Variants in FHIT observed in about 807,000 individuals in gnomAD.
FHIT encodes the protein fragile histidine triad diadenosine triphosphatase.
Under a neutral mutation model 17.9 loss-of-function variants are expected in FHIT, and 19 were observed. That is an observed-to-expected ratio of 1.06 (90% confidence interval 0.74 to 1.56). FHIT has a LOEUF of 1.56. Ranked by LOEUF, FHIT falls within the 40% of genes most tolerant of loss-of-function variation. The pLI, the probability that FHIT is intolerant of heterozygous loss-of-function variation, is 0.00. For synonymous variants in FHIT, 81 were observed against 69.7 expected, an observed-to-expected ratio of 1.16 and a Z score of -0.81; for missense variants, 248 against 189.2, an observed-to-expected ratio of 1.31 and a Z score of -1.82.
rs866413645 is a variant in FHIT, at chr3:59,906,181, C to G, written c.348+16165G>C. 3.9e-5 allele frequency among the ~76,000 whole-genome samples: 6 copies of G among 152,300 alleles called. No individual in the cohort carries two copies. The South Asian group carries it at 1.2e-3, about 32-fold the overall frequency. ...CTGGACAGTACAATGCTCTTGAATA[C>G]AGAGAGCTGGAGCTTGAATGGACAC... On this transcript the variant is annotated intron_variant, in intron 8 of 9. Transcript: ENST00000492590.
intron 5 of FHIT, among the ~76,000 whole-genome samples, chr3:60,096,427 G>A (rs1264540858): frequency 6.6e-6 from 1 of 152,216 alleles, no homozygotes; most frequent in South Asian, 2.1e-4. Flanking sequence ...TATTCAGAAA[G>A]AATCAACCAA....
At chr3:60,549,802 A>G (rs1017928214) in intron 4 of FHIT, among the ~76,000 whole-genome samples, 4 of 152,224 alleles carry the variant, frequency 2.6e-5, no homozygotes, top group African/African-American at 4.8e-5. Context: ...CTCTTCGTTA[A>G]AAGAATAAAA....
intron 5 of FHIT, among the ~76,000 whole-genome samples, chr3:60,094,715 AG>A (rs967488971): frequency 7.2e-5 from 11 of 151,992 alleles, no homozygotes; most frequent in African/African-American, 2.4e-4. Flanking sequence ...CATGTCACCC[AG>A]CAAACAGAGT....
intron 5 of FHIT, among the ~76,000 whole-genome samples, chr3:60,297,816 T>C (rs916409355): frequency 5.3e-5 from 8 of 152,086 alleles, no homozygotes; most frequent in African/African-American, 1.9e-4. Flanking sequence ...ACACATTATC[T>C]ACCCAGAGAT....
intron 5 of FHIT, among the ~76,000 whole-genome samples, chr3:60,512,040 T>C (rs923707260): frequency 6.2e-4 from 94 of 152,222 alleles, no homozygotes; most frequent in African/African-American, 1.9e-3. Context: ...TGTAAATATA[T>C]GTTGAAAGAA....
At chr3:59,845,387 C>T (rs1701681720) in intron 8 of FHIT, among the ~76,000 whole-genome samples, 1 of 151,750 alleles carries the variant, frequency 6.6e-6, no homozygotes, top group Non-Finnish European at 1.5e-5. Flanking sequence ...AGACATTTGT[C>T]TTATTTTTAA....
At chr3:60,595,418 T>A (rs1446802638) in intron 4 of FHIT, among the ~76,000 whole-genome samples, 1 of 150,640 alleles carries the variant, frequency 6.6e-6, no homozygotes, top group Admixed American at 6.6e-5. Flanking sequence ...CAGTGAGCCA[T>A]GTATTAAAGG....
At chr3:60,053,616 AT>A (rs1701970040) in intron 5 of FHIT, among the ~76,000 whole-genome samples, 1 of 152,060 alleles carries the variant, frequency 6.6e-6, no homozygotes, top group Non-Finnish European at 1.5e-5. Context: ...TTATAAAAAA[AT>A]CTCTTAAGAG....
chr3:59,771,758 G>C (rs49413), intron 8 of FHIT, among the ~76,000 whole-genome samples: 1 of 152,064 alleles, frequency 6.6e-6, no homozygotes, highest in Non-Finnish European at 1.5e-5. Context: ...CAGACTTCTC[G>C]TCATAAAAAA....
At chr3:60,181,566 AC>A (rs146726151) in intron 5 of FHIT, among the ~76,000 whole-genome samples, 19,787 of 151,920 alleles carry the variant, frequency 0.13, 1,716 homozygotes, top group Middle Eastern at 0.24. Flanking sequence ...TGTCAGAAGC[AC>A]CCCCTATTAC....
intron 2 of FHIT, among the ~76,000 whole-genome samples, chr3:61,197,512 A>C (rs1452394020): frequency 6.6e-6 from 1 of 152,226 alleles, no homozygotes; most frequent in African/African-American, 2.4e-5. Context: ...TGCACAGAGC[A>C]CAGAAGTAGT....
At chr3:60,037,059 C>T (rs901483212) in intron 5 of FHIT, among the ~76,000 whole-genome samples, 2 of 152,120 alleles carry the variant, frequency 1.3e-5, no homozygotes, top group Non-Finnish European at 2.9e-5. Flanking sequence ...TGGGGAACAT[C>T]GTAGACCAAC....
At chr3:59,801,377 C>G (rs1699986803) in intron 8 of FHIT, among the ~76,000 whole-genome samples, 1 of 150,752 alleles carries the variant, frequency 6.6e-6, no homozygotes, top group African/African-American at 2.5e-5. Context: ...TTTGCAAAAT[C>G]AAGAATAACT....
intron 3 of FHIT, among the ~76,000 whole-genome samples, chr3:60,890,432 C>CG (rs1295758987): frequency 6.6e-6 from 1 of 151,796 alleles, no homozygotes; most frequent in African/African-American, 2.4e-5. Flanking sequence ...AGCCAAGCCA[C>CG]GCCCCAATTC....
intron 5 of FHIT, among the ~76,000 whole-genome samples, chr3:60,246,312 GTTCTT>G (rs1358769805): frequency 1.3e-5 from 2 of 152,064 alleles, no homozygotes; most frequent in Non-Finnish European, 2.9e-5. Flanking sequence ...TTTCAACAGT[GTTCTT>G]TTATTTCCAG....
chr3:60,160,828 C>CAGAG (rs5849337), intron 5 of FHIT, among the ~76,000 whole-genome samples: 1 of 144,848 alleles, frequency 6.9e-6, no homozygotes, highest in Admixed American at 6.8e-5. Context: ...GTGAGTGTGA[C>CAGAG]AGAGAGAGAG....
intron 5 of FHIT, among the ~76,000 whole-genome samples, chr3:60,511,651 T>C (rs1410443772): frequency 6.7e-6 from 1 of 150,094 alleles, no homozygotes; most frequent in Non-Finnish European, 1.5e-5. Flanking sequence ...TTTCCAGTCC[T>C]TTCTAACAGA....
intron 8 of FHIT, among the ~76,000 whole-genome samples, chr3:59,800,991 T>C (rs1216244288): frequency 2.0e-5 from 3 of 152,224 alleles, no homozygotes; most frequent in Non-Finnish European, 4.4e-5. Flanking sequence ...CAAAGAGTTG[T>C]TGTACATTTC....
chr3:59,958,457 C>A (rs1707510770), intron 7 of FHIT, among the ~76,000 whole-genome samples: 1 of 152,126 alleles, frequency 6.6e-6, no homozygotes, highest in South Asian at 2.1e-4. Flanking sequence ...TTGAAAAAAA[C>A]TCTCCATCTT....
Sources: gnomAD v4.1 joint callset for allele counts (sites outside exome capture counted in the v4.1 genomes callset) on GRCh38, gnomAD v4.1.1 for gene constraint, MANE v1.5 for transcripts, NCBI Gene and HGNC (gene_info 2026-07-23, HGNC 2026-07-21) for gene names.